Variants in ADAMTSL1 observed in about 807,000 individuals in gnomAD.
The protein encoded by ADAMTSL1 is ADAMTS like 1.
A neutral mutation model predicts 201.8 loss-of-function variants in ADAMTSL1; 126 were observed. That is an observed-to-expected ratio of 0.62 (90% CI 0.54 to 0.72). The LOEUF (loss-of-function observed/expected upper bound fraction) is 0.72. Among genes scored for constraint, ADAMTSL1 ranks in the 30% least tolerant of loss-of-function variants. ADAMTSL1 has a pLI of 0.00. For missense variants in ADAMTSL1, 2,679 were observed against 2,277.8 expected (o/e 1.18, Z -3.59); for synonymous variants, 1,121 against 903.4 (o/e 1.24, Z -4.32).
chr9:18,324,998 TATC>T (rs1304111971), intron 2 of ADAMTSL1, among the ~76,000 whole-genome samples: 1 of 152,128 alleles, frequency 6.6e-6, no homozygotes, highest in East Asian at 1.9e-4. Flanking sequence ...TAAACAATGT[TATC>T]AGCAGCATTC....
chr9:18,075,326 AAGT>A (rs1563984560), intron 1 of ADAMTSL1, among the ~76,000 whole-genome samples: 1 of 152,208 alleles, frequency 6.6e-6, no homozygotes, highest in African/African-American at 2.4e-5. Context: ...TTAAAAAGTG[AAGT>A]AGAAGTGAGG....
At chr9:18,770,925 A>G in intron 17 of ADAMTSL1, 144 bp downstream of exon 17, 1 of 889,718 alleles carries the variant, frequency 1.1e-6, no homozygotes, top group Non-Finnish European at 1.6e-6. Flanking sequence ...TATATACCGT[A>G]GTGTGTAACT....
intron 1 of ADAMTSL1, among the ~76,000 whole-genome samples, chr9:18,095,905 C>T (rs1824231860): frequency 6.6e-6 from 1 of 152,180 alleles, no homozygotes; most frequent in Admixed American, 6.5e-5. Context: ...GTCATTGTTT[C>T]TAAGCCTCCT....
At chr9:17,976,801 C>G (rs991767153) in intron 1 of ADAMTSL1, among the ~76,000 whole-genome samples, 5 of 141,186 alleles carry the variant, frequency 3.5e-5, no homozygotes. Context: ...TTACTTATTT[C>G]TTTCTAATTT....
At chr9:18,101,673 A>G (rs1052475297) in intron 1 of ADAMTSL1, among the ~76,000 whole-genome samples, 3 of 152,192 alleles carry the variant, frequency 2.0e-5, no homozygotes, top group African/African-American at 7.2e-5. Flanking sequence ...ACAAGGGCAG[A>G]AGATGGAGGT....
chr9:17,991,423 T>C (rs1819145018), intron 1 of ADAMTSL1, among the ~76,000 whole-genome samples: 1 of 152,182 alleles, frequency 6.6e-6, no homozygotes, highest in Non-Finnish European at 1.5e-5. Flanking sequence ...TCTAATCCTC[T>C]GATTCAGGGA....
chr9:18,594,399 T>C (rs1045632928), intron 4 of ADAMTSL1, among the ~76,000 whole-genome samples: 1 of 152,182 alleles, frequency 6.6e-6, no homozygotes, highest in Non-Finnish European at 1.5e-5. Context: ...CTGTTACTAC[T>C]TTTTTGAATA....
At chr9:18,178,444 T>TG (rs1828282061) in intron 2 of ADAMTSL1, among the ~76,000 whole-genome samples, 1 of 151,908 alleles carries the variant, frequency 6.6e-6, no homozygotes, top group South Asian at 2.1e-4. Context: ...GCAGCGAGGC[T>TG]GGGGGAGGGG....
chr9:17,915,022 A>T (rs946767212), intron 1 of ADAMTSL1, among the ~76,000 whole-genome samples: 1 of 152,088 alleles, frequency 6.6e-6, no homozygotes, highest in African/African-American at 2.4e-5. Context: ...AAATGCTACT[A>T]AGGATTTTTA....
At position 18,112,642 on chromosome 9, in the gene ADAMTSL1, G is replaced by A. The variant is rs758159619; in HGVS notation, c.88-51220G>A. On this transcript the variant is annotated intron_variant, in intron 1 of 29. Transcript: ENST00000680146. ...GCAGAAAAGCAGTAATTGCAATATA[G>A]TGATGAGCTGTAACAGAAGTGTGCA... 4.6e-5 allele frequency among the ~76,000 whole-genome samples: 7 copies of A among 152,050 alleles called. No homozygotes were observed. In the East Asian group the frequency reaches 1.4e-3, roughly 29 times the overall value.
intron 2 of ADAMTSL1, among the ~76,000 whole-genome samples, chr9:18,251,287 A>G (rs930229763): frequency 6.6e-6 from 1 of 152,164 alleles, no homozygotes; most frequent in Non-Finnish European, 1.5e-5. Context: ...TTGGAGATAA[A>G]AACAGGAAAA....
At chr9:18,544,263 G>C (rs1400097073) in intron 3 of ADAMTSL1, among the ~76,000 whole-genome samples, 1 of 152,112 alleles carries the variant, frequency 6.6e-6, no homozygotes, top group Non-Finnish European at 1.5e-5. Flanking sequence ...ACTCTTACAA[G>C]AAACAGGGCC....
intron 1 of ADAMTSL1, among the ~76,000 whole-genome samples, chr9:18,129,304 C>T (rs115530826): frequency 5.5e-4 from 84 of 152,174 alleles, no homozygotes; most frequent in African/African-American, 2.0e-3. Context: ...AATTGCAGGC[C>T]AATAGAGCTA....
In ADAMTSL1 at chr9:18,175,086, G is replaced by C. The variant is rs569412809; in HGVS notation, c.207+11105G>C. ...TTGAAAATGTGGGATTTGATATCAAGGTGCATTTATAGAGCTGAAAACCTG... is the reference window on the plus strand; with the variant it reads ...TTGAAAATGTGGGATTTGATATCAACGTGCATTTATAGAGCTGAAAACCTG... On this transcript the variant is annotated intron_variant, in intron 2 of 29. Transcript: ENST00000680146. 3.9e-5 allele frequency among the ~76,000 whole-genome samples: 6 copies of C among 152,278 alleles called. No homozygotes were observed. In the East Asian group the frequency reaches 9.7e-4, roughly 24 times the overall value.
chr9:18,066,319 A>G (rs1822699328), intron 1 of ADAMTSL1, among the ~76,000 whole-genome samples: 1 of 152,210 alleles, frequency 6.6e-6, no homozygotes, highest in East Asian at 1.9e-4. Flanking sequence ...TGCTAGCATC[A>G]CCAGGGTAAC....
At chr9:18,010,001 A>G (rs1586889942) in intron 1 of ADAMTSL1, among the ~76,000 whole-genome samples, 1 of 152,040 alleles carries the variant, frequency 6.6e-6, no homozygotes, top group Non-Finnish European at 1.5e-5. Context: ...GAACCCATGC[A>G]TCAATGATAT....
chr9:18,372,804 T>G (rs1367713939), intron 2 of ADAMTSL1, among the ~76,000 whole-genome samples: 2 of 152,212 alleles, frequency 1.3e-5, no homozygotes, highest in Non-Finnish European at 2.9e-5. Flanking sequence ...ACCTAACCAC[T>G]TCCTGATTCC....
In ADAMTSL1 at chr9:18,856,485, A is replaced by G. The variant is rs543518497; in HGVS notation, c.4249+26508A>G. ...ATTTTTTTTTTTTTTTTTTTTTGAG[A>G]CGGAGTCTCGCTCTGTCGCCCAGGC... On this transcript the variant is annotated intron_variant, in intron 23 of 28. Transcript: ENST00000380548. Among the ~76,000 whole-genome samples the G allele has an allele frequency of 2.6e-3, 75 of 29,128 alleles. 2 individuals carry two copies. In the South Asian group the frequency reaches 0.1, roughly 40 times the overall value. 19.1% of individuals were successfully genotyped at this position (29,128 alleles called of 152,430 possible).
chr9:18,892,342 A>G (rs758293392), intron 25 of ADAMTSL1, 47 bp from the exon 26 acceptor site: 1 of 1,566,528 alleles, frequency 6.4e-7, no homozygotes. Flanking sequence ...TCTTTTCCCC[A>G]GGGCCTGTCC....
Sources: allele counts gnomAD v4.1 joint callset (sites outside exome capture counted in the v4.1 genomes callset), GRCh38; gene constraint gnomAD v4.1.1; transcripts MANE v1.5; gene names NCBI Gene and HGNC (gene_info 2026-07-23, HGNC 2026-07-21).